MAP2K5: variants seen among roughly 807,000 people sequenced by gnomAD.
MAP2K5 encodes dual specificity mitogen-activated protein kinase kinase 5.
A neutral mutation model predicts 83.1 loss-of-function variants in MAP2K5; 49 were observed. The observed-to-expected ratio is 0.59, with a 90% CI of 0.47 to 0.75. The LOEUF (loss-of-function observed/expected upper bound fraction) is 0.75, where lower values mean the gene tolerates loss of function less well. MAP2K5 is among the 30% of genes least tolerant of loss of function. The pLI is 0.00. For synonymous variants in MAP2K5, 202 were observed against 191.8 expected (o/e 1.05, Z -0.44); for missense variants, 457 against 557.5 (o/e 0.82, Z 1.82).
intron 8 of MAP2K5, among the ~76,000 whole-genome samples, chr15:67,618,642 CTCTAT>C (rs779116831): frequency 6.6e-6 from 1 of 152,186 alleles, no homozygotes; most frequent in Non-Finnish European, 1.5e-5. Context: ...TAATTGGAAA[CTCTAT>C]TCTATAGGAT....
At chr15:67,729,712 C>T (rs577151189) in intron 17 of MAP2K5, among the ~76,000 whole-genome samples, 4 of 152,066 alleles carry the variant, frequency 2.6e-5, no homozygotes, top group East Asian at 3.9e-4. Flanking sequence ...TGCAGTGAGC[C>T]GAGATCACGC....
Position 67,543,886 on chromosome 15 carries a change from T to G in MAP2K5, c.135+416T>G, listed in dbSNP as rs1229912068. 6.6e-6 allele frequency among the ~76,000 whole-genome samples: 1 copy of G among 152,206 alleles called. No individual in the cohort carries two copies. The highest frequency in any genetic ancestry group is 2.1e-4 in the South Asian group (1 of 4,826). On this transcript the variant is annotated intron_variant, in intron 1 of 21. Coordinates refer to ENST00000178640, the MANE Select transcript of MAP2K5 (RefSeq NM_145160.3). The surrounding 1 kb of genome is among the most constrained non-coding windows in gnomAD (Gnocchi z 4.3). ...GCTGAGAAAGGGAAAAAGGACAACT[T>G]TAACTTACCATGTTTGAGCACACTG...
chr15:67,693,639 T>C (rs1013831481), intron 15 of MAP2K5, 71 bp downstream of exon 15: 1 of 1,139,842 alleles, frequency 8.8e-7, no homozygotes, highest in African/African-American at 1.5e-5. Context: ...TAATGTATAA[T>C]TCTTGAATTA....
chr15:67,757,073 T>A lies in MAP2K5; in HGVS notation c.1134+8472T>A, dbSNP rs1444429482. 2.6e-5 allele frequency among the ~76,000 whole-genome samples: 4 copies of A among 152,164 alleles called. No individual in the cohort carries two copies. The highest frequency in any genetic ancestry group is 5.9e-5 in the Non-Finnish European group (4 of 68,018). On this transcript the variant is annotated intron_variant, in intron 19 of 21. Coordinates refer to ENST00000178640, the MANE Select transcript of MAP2K5 (RefSeq NM_145160.3). The surrounding 1 kb of genome is among the most constrained non-coding windows in gnomAD (Gnocchi z 4.9). Reference sequence around the variant, plus strand: ...GATATACACCGAGAAGTTGGATTACTGAATCATAGCGTAGTTCTTTTTTTA... The same window carrying A: ...GATATACACCGAGAAGTTGGATTACAGAATCATAGCGTAGTTCTTTTTTTA...
Position 67,717,362 on chromosome 15 carries a change from G to C in MAP2K5, c.1045-10554G>C, listed in dbSNP as rs1209246204. Among the ~76,000 whole-genome samples, 1 of 152,194 alleles carries C rather than the reference G, an allele frequency of 6.6e-6. No individual in the cohort carries two copies. Among genetic ancestry groups the C allele is most frequent in the East Asian group, 1.9e-4 (1 of 5,202 alleles). ...ACTGTAATAGGAAGTAGGTAGGTAAGGATCTCATCTAATTAGTAAATATTT... is the reference window on the plus strand; with the variant it reads ...ACTGTAATAGGAAGTAGGTAGGTAACGATCTCATCTAATTAGTAAATATTT... On this transcript the variant is annotated intron_variant, in intron 16 of 21. Transcript: ENST00000178640. This position sits in a 1 kb window ranked among gnomAD's most constrained non-coding sequence, Gnocchi z 4.1.
At chr15:67,734,398 TTAAAC>T (rs2089293482) in intron 17 of MAP2K5, among the ~76,000 whole-genome samples, 1 of 152,214 alleles carries the variant, frequency 6.6e-6, no homozygotes, top group Admixed American at 6.5e-5. Flanking sequence ...AGACTGTCTT[TTAAAC>T]ATTCATTTAT....
chr15:67,724,424 C>T lies in MAP2K5; in HGVS notation c.1045-3492C>T, dbSNP rs1001153491. ...ATTTATTTATTTTTTGAGTTAGGGT[C>T]TCACTCTTGCTCAGTCTGGAATGCA... is the stretch of plus-strand genomic sequence containing the variant. On this transcript the variant is annotated intron_variant, in intron 16 of 21. Transcript: ENST00000178640. The surrounding 1 kb of genome is among the most constrained non-coding windows in gnomAD (Gnocchi z 4.4). Among the ~76,000 whole-genome samples the T allele has an allele frequency of 7.2e-5, 11 of 151,892 alleles. No homozygotes were observed. The highest frequency in any genetic ancestry group is 1.3e-4 in the Non-Finnish European group (9 of 67,988).
intron 17 of MAP2K5, among the ~76,000 whole-genome samples, chr15:67,740,689 C>T (rs150781116): frequency 7.2e-5 from 11 of 152,164 alleles, no homozygotes; most frequent in Non-Finnish European, 1.5e-4. Flanking sequence ...ATATACTTCT[C>T]GGTCTTCTCT....
At chr15:67,742,573 A>G (rs1449982788) in intron 17 of MAP2K5, among the ~76,000 whole-genome samples, 2 of 152,208 alleles carry the variant, frequency 1.3e-5, no homozygotes, top group East Asian at 3.8e-4. Flanking sequence ...TGGATTCTAA[A>G]ATAAGGCCAC....
At chr15:67,649,135 A>C (rs1205069676) in intron 11 of MAP2K5, among the ~76,000 whole-genome samples, 1 of 152,152 alleles carries the variant, frequency 6.6e-6, no homozygotes, top group African/African-American at 2.4e-5. Context: ...TTCTCTAATG[A>C]CTAATGATGT....
At chr15:67,631,067 T>C in intron 9 of MAP2K5, 140 bp downstream of exon 9, 1 of 640,052 alleles carries the variant, frequency 1.6e-6, no homozygotes. Context: ...TGTGGCTCTC[T>C]GGTGACATTC....
chr15:67,590,410 CCTCT>C (rs1485598500), intron 6 of MAP2K5, among the ~76,000 whole-genome samples: 3 of 90,640 alleles, frequency 3.3e-5, no homozygotes, highest in Non-Finnish European at 7.7e-5. Context: ...TTCCTTCCTC[CCTCT>C]CTCCCTCCCT....
intron 8 of MAP2K5, among the ~76,000 whole-genome samples, chr15:67,625,542 A>C (rs188234811): frequency 2.0e-5 from 3 of 152,228 alleles, no homozygotes; most frequent in Non-Finnish European, 4.4e-5. Context: ...TTCAAACTTC[A>C]TTAATCACTT....
At chr15:67,734,439 A>G (rs567629899) in intron 17 of MAP2K5, among the ~76,000 whole-genome samples, 4 of 152,216 alleles carry the variant, frequency 2.6e-5, no homozygotes, top group South Asian at 2.1e-4. Context: ...TGTGCTCTGG[A>G]TAGAGTATGT....
chr15:67,628,818 G>T (rs2086388296), intron 8 of MAP2K5: 1 of 750,036 alleles, frequency 1.3e-6, no homozygotes, highest in Admixed American at 1.7e-5. Flanking sequence ...GACAATTTTG[G>T]TCATGGACGA....
intron 16 of MAP2K5, among the ~76,000 whole-genome samples, chr15:67,713,489 A>G (rs1004378541): frequency 1.3e-5 from 2 of 152,254 alleles, no homozygotes; most frequent in Non-Finnish European, 2.9e-5. Flanking sequence ...TAATCCCAGC[A>G]CTTTGGAAGG....
chr15:67,686,460 A>G (rs1452943317), intron 13 of MAP2K5, among the ~76,000 whole-genome samples: 1 of 151,920 alleles, frequency 6.6e-6, no homozygotes, highest in Non-Finnish European at 1.5e-5. Flanking sequence ...TACAAAAACT[A>G]GCTGGGGGTG....
intron 17 of MAP2K5, among the ~76,000 whole-genome samples, chr15:67,728,774 G>A (rs915209542): frequency 6.6e-6 from 1 of 152,220 alleles, no homozygotes; most frequent in Non-Finnish European, 1.5e-5. Flanking sequence ...GCAAATAAGT[G>A]TTGTATTACA....
chr15:67,770,441 GCA>G lies in MAP2K5; in HGVS notation c.1196+781_1196+782del, dbSNP rs1279371588. On this transcript the variant is annotated intron_variant, in intron 20 of 21. Transcript: ENST00000178640. This position sits in a 1 kb window ranked among gnomAD's most constrained non-coding sequence, Gnocchi z 5.0. ...TTCCTCTGCCCTCTCCCTCACTCCAGCACAGAGAATTACCTAGGAGAGAGGAG... is the reference window on the plus strand; with the variant it reads ...TTCCTCTGCCCTCTCCCTCACTCCAGCAGAGAATTACCTAGGAGAGAGGAG... 6.6e-6 allele frequency among the ~76,000 whole-genome samples: 1 copy of G among 152,136 alleles called. No individual in the cohort carries two copies. Among genetic ancestry groups the G allele is most frequent in the African/African-American group, 2.4e-5 (1 of 41,418 alleles).
Sources: gnomAD v4.1 joint callset for allele counts (sites outside exome capture counted in the v4.1 genomes callset) on GRCh38, gnomAD v4.1.1 for gene constraint, Gnocchi (gnomAD v3.1) non-coding constraint, MANE v1.5 for transcripts, NCBI Gene and HGNC (gene_info 2026-07-23, HGNC 2026-07-21) for gene names.